The following TMX4 variants were observed in gnomAD, a reference collection of about 807,000 sequenced individuals.
The protein encoded by TMX4 is thioredoxin related transmembrane protein 4, also known as thioredoxin-related transmembrane protein 4.
In TMX4, 23 loss-of-function variants were observed where a neutral mutation model predicts 33.3. That is an observed-to-expected ratio of 0.69 (90% CI 0.50 to 0.98). The LOEUF (loss-of-function observed/expected upper bound fraction) is 0.98. Ranked by LOEUF, TMX4 falls within the 50% of genes least tolerant of loss-of-function variation. The pLI is 0.00. For synonymous variants in TMX4, 164 were observed against 161.5 expected (o/e 1.02, Z -0.12); for missense variants, 399 against 448.9 (o/e 0.89, Z 1.01).
chr20:8,014,336 T>C (rs2050764121), intron 1 of TMX4, among the ~76,000 whole-genome samples: 1 of 152,236 alleles, frequency 6.6e-6, no homozygotes. Context: ...TGGGAGATGA[T>C]AGTAATTATC....
At position 7,987,268 on chromosome 20, in the gene TMX4, A is replaced by C; in HGVS notation, c.615+20T>G. On this transcript the variant is annotated intron_variant, in intron 6 of 7. Transcript: ENST00000246024. ...TTCATTTTGCCTTAAAGATAGAAAA[A>C]GTTTGGTATTATCTCTTACCAGACC... 6.8e-7 allele frequency: 1 copy of C among 1,479,290 alleles called. No individual in the cohort carries two copies. The highest frequency in any genetic ancestry group is 9.2e-7 in the Non-Finnish European group (1 of 1,091,312). The allele number at this position is 1,479,290 out of a possible 1,614,324, so 91.6% of individuals were successfully genotyped here.
chr20:7,999,520 C>G (rs116920555), intron 4 of TMX4, among the ~76,000 whole-genome samples: 2,079 of 152,274 alleles, frequency 0.014, 55 homozygotes, highest in East Asian at 0.065. Context: ...CCACTCAAAT[C>G]TGGCTACTTA....
intron 5 of TMX4, 121 bp from the exon 6 acceptor site, chr20:7,987,510 T>C: frequency 1.7e-6 from 1 of 597,168 alleles, no homozygotes; most frequent in Middle Eastern, 4.1e-4. Flanking sequence ...TGTATCTAAA[T>C]GATTCTTAAA....
chr20:7,996,380 T>C (rs554647959), intron 4 of TMX4, among the ~76,000 whole-genome samples: 2 of 152,288 alleles, frequency 1.3e-5, no homozygotes, highest in East Asian at 3.9e-4. Context: ...TCTTTCTGCT[T>C]CATAGTCCCA....
At chr20:8,010,072 T>G in intron 2 of TMX4, 128 bp downstream of exon 2, 1 of 631,072 alleles carries the variant, frequency 1.6e-6, no homozygotes, top group South Asian at 1.9e-5. Context: ...AAATGTAATC[T>G]GCTACTTAAA....
In TMX4 at chr20:7,987,318, G is replaced by A. The variant is rs952802460; in HGVS notation, c.585C>T (p.Ala195=). ...CCATAAAAAGGCCAAAAACCAAGGT[G>A]GCTATGACGAAAAAGACATAAGAAC... ...AWCSYVFFVI[A]TLVFGLFMGL... Residue 195 remains alanine (A), a synonymous_variant, in exon 6 of 8, where the codon GCC becomes GCT. Coordinates refer to ENST00000246024, the MANE Select transcript of TMX4 (RefSeq NM_021156.4). 5.0e-6 allele frequency: 8 copies of A among 1,596,716 alleles called. No homozygotes were observed. The highest frequency in any genetic ancestry group is 1.4e-5 in the African/African-American group (1 of 73,696).
rs1172313899 is a variant in TMX4 at position 8,019,643 on chromosome 20, G to C, written c.-30C>G. 3.0e-6 allele frequency: 4 copies of C among 1,317,954 alleles called. No individual in the cohort carries two copies. Among genetic ancestry groups the C allele is most frequent in the Non-Finnish European group, 3.9e-6 (4 of 1,033,932 alleles). 81.6% of individuals were successfully genotyped at this position (1,317,954 alleles called of 1,614,324 possible). A position where few individuals can be genotyped will look rare whatever the true frequency, so the allele number is the denominator to read the frequency against. On this transcript the variant is annotated 5_prime_UTR_variant, in exon 1 of 8. Transcript: ENST00000246024. ...GGCGCCGAGCGAGGCTTCTCGGCGG[G>C]GAGTGTGGGGAAGGGCAGCGGCCGG...
At chr20:8,004,554 T>C (rs748131872) in intron 2 of TMX4, among the ~76,000 whole-genome samples, 3 of 152,118 alleles carry the variant, frequency 2.0e-5, no homozygotes, top group Non-Finnish European at 4.4e-5. Context: ...TGACACAACA[T>C]AAAGTAGGCA....
chr20:7,997,064 C>G (rs1006872591), intron 4 of TMX4, among the ~76,000 whole-genome samples: 2 of 152,146 alleles, frequency 1.3e-5, no homozygotes, highest in Non-Finnish European at 2.9e-5. Flanking sequence ...CTTGAACACT[C>G]ATTTGGCTTC....
At chr20:8,013,688 G>A (rs1415705062) in intron 1 of TMX4, 2 of 152,178 alleles carry the variant, frequency 1.3e-5, no homozygotes, top group Non-Finnish European at 2.9e-5. Context: ...TTCATTAGGT[G>A]TGCTAAATAT....
chr20:8,003,931 G>A (rs74369834), intron 2 of TMX4, among the ~76,000 whole-genome samples: 2,082 of 152,188 alleles, frequency 0.014, 54 homozygotes, highest in East Asian at 0.065. Flanking sequence ...GACAGCCTAT[G>A]TGGAATATTA....
chr20:8,015,232 C>T (rs905458737), intron 1 of TMX4, among the ~76,000 whole-genome samples: 6 of 152,178 alleles, frequency 3.9e-5, no homozygotes, highest in African/African-American at 1.4e-4. Context: ...TAAAATCAAA[C>T]ATTCGCATGT....
At position 7,999,766 on chromosome 20, in the gene TMX4, G is replaced by T; in HGVS notation, c.433C>A (p.Pro145Thr). Residue 145 changes from proline (P) to threonine (T), a missense_variant, in exon 4 of 8, where the codon CCT becomes ACT. Physicochemically the swap from Pro to Thr is conservative, Grantham distance 38 (BLOSUM62 -1). Coordinates refer to ENST00000246024, the MANE Select transcript of TMX4 (RefSeq NM_021156.4). ...GCCGGGGATTTCCAGCCAGTCAGAG[G>T]CTCGACTGATTGCCATTTCTTCTCT... is the stretch of plus-strand genomic sequence containing the variant. ...ILEKKWQSVE[P>T]LTGWKSPASL... is the part of the protein sequence containing the mutation. 6.2e-7 allele frequency: 1 copy of T among 1,613,504 alleles called. No individual in the cohort carries two copies. Among genetic ancestry groups the T allele is most frequent in the Non-Finnish European group, 8.5e-7 (1 of 1,179,786 alleles).
chr20:7,982,718 G>T, intron 7 of TMX4, 97 bp from the exon 8 acceptor site: 1 of 1,362,194 alleles, frequency 7.3e-7, no homozygotes, highest in Non-Finnish European at 9.9e-7. Context: ...TAGAGGGTAA[G>T]TGACAGTTTT....
chr20:8,015,271 C>CAGTATCT (rs1327449746), intron 1 of TMX4, among the ~76,000 whole-genome samples: 11 of 152,104 alleles, frequency 7.2e-5, no homozygotes, highest in Non-Finnish European at 1.5e-4. Context: ...GTATCTAGAG[C>CAGTATCT]AGTGGTTTTC....
intron 5 of TMX4, among the ~76,000 whole-genome samples, chr20:7,990,770 G>A (rs1197915147): frequency 6.6e-6 from 1 of 152,172 alleles, no homozygotes; most frequent in African/African-American, 2.4e-5. Context: ...TTCAGACACA[G>A]ATCAGAATCC....
rs1454442022 is a variant in TMX4, at chr20:7,979,682, T to C, written c.*2569A>G. 2 of 145,944 alleles carry C rather than the reference T, an allele frequency of 1.4e-5. No individual in the cohort carries two copies. The highest frequency in any genetic ancestry group is 5.1e-5 in the African/African-American group (2 of 39,132). The allele number at this position is 145,944 out of a possible 1,614,324, so 9.0% of individuals were successfully genotyped here. A position where few individuals can be genotyped will look rare whatever the true frequency, so the allele number is the denominator to read the frequency against. ...TGAACTAGGGAGGCGGAGGTTGTAG[T>C]AAGCCAAGATTGTGCCATTGCAGCC... On this transcript the variant is annotated 3_prime_UTR_variant, in exon 8 of 8. Coordinates refer to ENST00000246024, the MANE Select transcript of TMX4 (RefSeq NM_021156.4).
intron 5 of TMX4, among the ~76,000 whole-genome samples, chr20:7,992,974 G>C (rs2050661346): frequency 6.6e-6 from 1 of 152,158 alleles, no homozygotes; most frequent in Non-Finnish European, 1.5e-5. Context: ...TGATCTCTAA[G>C]CATTTTCCTA....
chr20:7,987,380 T>C lies in TMX4; in HGVS notation c.523A>G (p.Asn175Asp). ...ATTCCAAGAGTCACTGTGAAATAGT[T>C]GTGAAGATGCTGGAATCAGAAGAAA... is the stretch of plus-strand genomic sequence containing the variant. ...SISGKIWHLH[N>D]YFTVTLGIPA... Residue 175 changes from asparagine (N) to aspartate (D), a missense_variant, in exon 6 of 8, where the codon AAC becomes GAC. By Grantham distance (23) the Asn-to-Asp change is conservative. Transcript: ENST00000246024. 6.3e-7 allele frequency: 1 copy of C among 1,577,444 alleles called. No homozygotes were observed. The highest frequency in any genetic ancestry group is 8.5e-7 in the Non-Finnish European group (1 of 1,170,412).
Sources: gnomAD v4.1 joint callset for allele counts (sites outside exome capture counted in the v4.1 genomes callset) on GRCh38, gnomAD v4.1.1 for gene constraint, MANE v1.5 for transcripts, NCBI Gene and HGNC (gene_info 2026-07-23, HGNC 2026-07-21) for gene names.